The following CTTNBP2NL variants were observed in gnomAD, a reference collection of about 807,000 sequenced individuals.
CTTNBP2NL encodes CTTNBP2 N-terminal-like protein.
A neutral mutation model predicts 32.5 loss-of-function variants in CTTNBP2NL; 16 were observed. That is an observed-to-expected ratio of 0.49 (90% confidence interval 0.33 to 0.75). CTTNBP2NL has a LOEUF of 0.75. Ranked by LOEUF, CTTNBP2NL falls within the 30% of genes least tolerant of loss-of-function variation. The pLI is 0.02. For missense variants in CTTNBP2NL, 645 were observed against 756.0 expected, an observed-to-expected ratio of 0.85 and a Z score of 1.72; for synonymous variants, 298 against 289.4, an observed-to-expected ratio of 1.03 and a Z score of -0.30.
At chr1:112,433,430 C>T (rs1649631767) in intron 3 of CTTNBP2NL, among the ~76,000 whole-genome samples, 1 of 152,170 alleles carries the variant, frequency 6.6e-6, no homozygotes, top group Admixed American at 6.5e-5. Flanking sequence ...CCTGTCTCTA[C>T]TAAAATACAA....
chr1:112,411,381 A>G (rs1379704500), intron 1 of CTTNBP2NL, among the ~76,000 whole-genome samples: 1 of 152,218 alleles, frequency 6.6e-6, no homozygotes, highest in African/African-American at 2.4e-5. Flanking sequence ...GGTCTAATAC[A>G]CTGTTAGGAA....
At chr1:112,391,676 G>A (rs550508262), upstream of CTTNBP2NL, among the ~76,000 whole-genome samples, 4 of 151,988 alleles carry the variant, frequency 2.6e-5, no homozygotes, top group Admixed American at 6.6e-5. Flanking sequence ...CACTATTCCC[G>A]CTTCTCTTGC....
Position 112,457,765 on chromosome 1 carries a change from A to C in CTTNBP2NL, c.*353A>C. On this transcript the variant is annotated 3_prime_UTR_variant, in exon 6 of 6. Coordinates refer to ENST00000271277, the MANE Select transcript of CTTNBP2NL (RefSeq NM_018704.3). The stretch of plus-strand genomic sequence containing the variant: ...TGAATTATGCAGAAGTGGTTCATGC[A>C]GATTTTTATTCCAGATGAACATGTT... 5.5e-6 allele frequency: 1 copy of C among 180,594 alleles called. No individual in the cohort carries two copies. The highest frequency in any genetic ancestry group is 1.2e-5 in the Non-Finnish European group (1 of 86,922). 11.2% of individuals were successfully genotyped at this position (180,594 alleles called of 1,614,324 possible).
At chr1:112,422,304 G>A (rs1186464926) in intron 3 of CTTNBP2NL, among the ~76,000 whole-genome samples, 2 of 152,170 alleles carry the variant, frequency 1.3e-5, no homozygotes, top group Non-Finnish European at 2.9e-5. Context: ...TCATGTCGTT[G>A]TGTATATTGA....
intron 3 of CTTNBP2NL, among the ~76,000 whole-genome samples, chr1:112,422,008 T>C (rs764769155): frequency 9.2e-5 from 14 of 152,208 alleles, no homozygotes; most frequent in Non-Finnish European, 2.1e-4. Context: ...AACTGTATTA[T>C]TTGATATGTG....
At chr1:112,393,310 A>G (rs1648228865), upstream of CTTNBP2NL, among the ~76,000 whole-genome samples, 2 of 152,180 alleles carry the variant, frequency 1.3e-5, no homozygotes, top group African/African-American at 2.4e-5. Context: ...CTTTTACTCC[A>G]TTGCTGCCTC....
intron 2 of CTTNBP2NL, chr1:112,415,875 A>C: frequency 3.1e-6 from 1 of 325,276 alleles, no homozygotes; most frequent in Admixed American, 5.2e-5. Context: ...ATTCTTTCTG[A>C]GATTTCCTAG....
At chr1:112,392,854 T>G (rs370427791), upstream of CTTNBP2NL, among the ~76,000 whole-genome samples, 317 of 152,038 alleles carry the variant, frequency 2.1e-3, 3 homozygotes, top group East Asian at 0.012. Flanking sequence ...CCTGATTTTT[T>G]TTTGTTTGTT....
At chr1:112,440,762 G>A (rs1454961840) in intron 3 of CTTNBP2NL, among the ~76,000 whole-genome samples, 4 of 152,148 alleles carry the variant, frequency 2.6e-5, no homozygotes. Flanking sequence ...GTGACCTTGG[G>A]AAAGTCACGT....
rs748529549 is a variant in CTTNBP2NL at position 112,455,988 on chromosome 1, A to C, written c.496A>C (p.Ser166Arg). 6.2e-6 allele frequency: 10 copies of C among 1,612,630 alleles called. No homozygotes were observed. Among genetic ancestry groups the C allele is most frequent in the African/African-American group, 1.3e-5 (1 of 74,836 alleles). ...KFEKEQKKLS[S>R]QLEEERSRHK... ...TGAAAAAGAACAGAAGAAGCTCTCT[A>C]GTCAGCTGGAAGAGGAGCGCTCCCG... Residue 166 changes from serine to arginine, a missense_variant, in exon 6 of 6, where the codon AGT (serine) becomes CGT (arginine). Transcript: ENST00000271277.
At chr1:112,439,207 A>G (rs1649827185) in intron 3 of CTTNBP2NL, among the ~76,000 whole-genome samples, 1 of 106,338 alleles carries the variant, frequency 9.4e-6, no homozygotes, top group South Asian at 4.3e-4. Flanking sequence ...TCACCATGGT[A>G]GGGGTCTTAA....
At chr1:112,437,762 A>T (rs1428427167) in intron 3 of CTTNBP2NL, among the ~76,000 whole-genome samples, 1 of 152,104 alleles carries the variant, frequency 6.6e-6, no homozygotes, top group Non-Finnish European at 1.5e-5. Context: ...TGAGCTTGTG[A>T]TCCGCCTGCC....
intron 1 of CTTNBP2NL, among the ~76,000 whole-genome samples, chr1:112,411,840 G>A (rs566761549): frequency 6.5e-4 from 99 of 152,220 alleles, no homozygotes; most frequent in Non-Finnish European, 1.1e-3. Flanking sequence ...CCGCCACCAC[G>A]CCCGGCTAAA....
intron 3 of CTTNBP2NL, among the ~76,000 whole-genome samples, chr1:112,438,260 C>T (rs565808432): frequency 6.6e-6 from 1 of 152,148 alleles, no homozygotes; most frequent in East Asian, 1.9e-4. Flanking sequence ...GATCTTTCAC[C>T]TCCCTGGTTA....
chr1:112,451,505 C>G (rs1650218048), intron 4 of CTTNBP2NL, among the ~76,000 whole-genome samples: 1 of 151,488 alleles, frequency 6.6e-6, no homozygotes. Flanking sequence ...GACACAGTGA[C>G]TCATGCCTGT....
chr1:112,420,636 GTT>G (rs1649200289), intron 3 of CTTNBP2NL, among the ~76,000 whole-genome samples: 1 of 151,832 alleles, frequency 6.6e-6, no homozygotes, highest in Non-Finnish European at 1.5e-5. Flanking sequence ...ACCTGGCTAA[GTT>G]TTGTATTTTT....
chr1:112,412,048 T>C (rs1410310339), intron 1 of CTTNBP2NL, 146 bp from the exon 2 acceptor site: 2 of 152,230 alleles, frequency 1.3e-5, no homozygotes, highest in African/African-American at 4.8e-5. Context: ...CAACTTCAAC[T>C]TGAAGAACTG....
At chr1:112,409,523 C>T (rs1648790819) in intron 1 of CTTNBP2NL, among the ~76,000 whole-genome samples, 1 of 152,080 alleles carries the variant, frequency 6.6e-6, no homozygotes, top group South Asian at 2.1e-4. Context: ...AACCTACCAC[C>T]TGGAAAGAAA....
chr1:112,445,647 T>C (rs543858072), intron 3 of CTTNBP2NL, among the ~76,000 whole-genome samples: 38 of 152,364 alleles, frequency 2.5e-4, no homozygotes, highest in Middle Eastern at 3.4e-3. Flanking sequence ...GTCTGTATTA[T>C]ACAACTTGTA....
Sources: gnomAD v4.1 joint callset for allele counts (sites outside exome capture counted in the v4.1 genomes callset) on GRCh38, gnomAD v4.1.1 for gene constraint, MANE v1.5 for transcripts, NCBI Gene and HGNC (gene_info 2026-07-23, HGNC 2026-07-21) for gene names.